MYT1L: variants seen among roughly 807,000 people sequenced by gnomAD.
The protein encoded by MYT1L is myelin transcription factor 1-like protein.
Under a neutral mutation model 126.7 loss-of-function variants are expected in MYT1L, and 12 were observed. The observed-to-expected ratio is 0.09, with a 90% confidence interval of 0.06 to 0.15. The LOEUF (loss-of-function observed/expected upper bound fraction) is 0.15. Among genes scored for constraint, MYT1L ranks in the 10% least tolerant of loss-of-function variants. The pLI, the probability that MYT1L is intolerant of heterozygous loss-of-function variation, is 1.00. For synonymous variants in MYT1L, 541 were observed against 604.2 expected (o/e 0.90, Z 1.53); for missense variants, 979 against 1,585.2 (o/e 0.62, Z 6.49).
intron 4 of MYT1L, among the ~76,000 whole-genome samples, chr2:2,013,170 C>A (rs116599545): frequency 1.3e-5 from 2 of 152,212 alleles, no homozygotes; most frequent in Admixed American, 1.3e-4. Context: ...TATATTCATG[C>A]GATGTCTCAA....
rs2093959994 is a variant in MYT1L at position 2,224,529 on chromosome 2, A to G, written c.-420-51541T>C. ...AACTATTTTTCCCATTAAGAAAATA[A>G]ATGTTTCAGGCTGGGCACGGTGGCT... is the stretch of plus-strand genomic sequence containing the variant. On this transcript the variant is annotated intron_variant, in intron 2 of 24. Coordinates refer to ENST00000647738, the MANE Select transcript of MYT1L (RefSeq NM_001303052.2). The surrounding 1 kb of genome is among the most constrained non-coding windows in gnomAD (Gnocchi z 4.0). Among the ~76,000 whole-genome samples, 1 of 152,176 alleles carries G rather than the reference A, an allele frequency of 6.6e-6. No homozygotes were observed. Among genetic ancestry groups the G allele is most frequent in the South Asian group, 2.1e-4 (1 of 4,828 alleles).
intron 19 of MYT1L, chr2:1,842,983 CCCGGG>C (rs2042010634): frequency 6.6e-6 from 1 of 150,966 alleles, no homozygotes; most frequent in Non-Finnish European, 1.4e-5. Flanking sequence ...AGTACCGGCC[CCCGGG>C]CTGGGAACAC....
chr2:1,955,000 AAGTT>A (rs960878083), intron 8 of MYT1L, among the ~76,000 whole-genome samples: 7 of 152,094 alleles, frequency 4.6e-5, no homozygotes, highest in Admixed American at 3.3e-4. Flanking sequence ...GAAAGAAAAA[AAGTT>A]AGCCGGGCGT....
intron 1 of MYT1L, among the ~76,000 whole-genome samples, chr2:2,311,896 T>C (rs192905290): frequency 1.1e-4 from 16 of 152,332 alleles, no homozygotes; most frequent in Non-Finnish European, 2.1e-4. Flanking sequence ...AGTTTGGGAT[T>C]CCAAATACAT....
At chr2:1,989,861 G>C (rs936197590) in intron 5 of MYT1L, among the ~76,000 whole-genome samples, 3 of 152,146 alleles carry the variant, frequency 2.0e-5, no homozygotes, top group African/African-American at 7.2e-5. Flanking sequence ...AGCTGGGCAT[G>C]GTGGCGGGTG....
intron 10 of MYT1L, among the ~76,000 whole-genome samples, chr2:1,921,371 GTCT>G (rs1355912409): frequency 6.6e-6 from 1 of 152,084 alleles, no homozygotes; most frequent in Non-Finnish European, 1.5e-5. Context: ...AGTGGACACC[GTCT>G]TCTTTACAAA....
At chr2:2,066,752 A>G (rs1272054318) in intron 3 of MYT1L, among the ~76,000 whole-genome samples, 2 of 152,224 alleles carry the variant, frequency 1.3e-5, no homozygotes, top group African/African-American at 4.8e-5. Flanking sequence ...CTGTCCTCAG[A>G]AGAACTGACC....
chr2:2,158,292 T>G (rs1443378650), intron 3 of MYT1L, among the ~76,000 whole-genome samples: 1 of 152,184 alleles, frequency 6.6e-6, no homozygotes, highest in East Asian at 1.9e-4. Context: ...TCTGATTCCC[T>G]GCCATTGTTT....
At chr2:2,034,175 C>T (rs1258037564) in intron 4 of MYT1L, among the ~76,000 whole-genome samples, 1 of 152,152 alleles carries the variant, frequency 6.6e-6, no homozygotes, top group Non-Finnish European at 1.5e-5. Context: ...AAGCAGAAAA[C>T]GTCGGTATCG....
chr2:1,896,765 C>G (rs533143619), intron 14 of MYT1L, among the ~76,000 whole-genome samples: 1 of 152,038 alleles, frequency 6.6e-6, no homozygotes, highest in African/African-American at 2.4e-5. Context: ...GTGTAATGAA[C>G]ATGCACAGGT....
At position 2,077,218 on chromosome 2, in the gene MYT1L, C is replaced by T. The variant is rs1017887924; in HGVS notation, c.-303-23095G>A. On this transcript the variant is annotated intron_variant, in intron 3 of 24. Coordinates refer to ENST00000647738, the MANE Select transcript of MYT1L (RefSeq NM_001303052.2). ...ACAGATCTCTGGGACACCACTAACT[C>T]TATCCTTATATACAGAATGAGAGAT... Among the ~76,000 whole-genome samples the T allele has an allele frequency of 3.3e-5, 5 of 152,172 alleles. No individual in the cohort carries two copies. The South Asian group carries it at 1.0e-3, about 32-fold the overall frequency.
chr2:1,838,095 G>A (rs534466607), intron 21 of MYT1L, among the ~76,000 whole-genome samples: 6 of 151,920 alleles, frequency 3.9e-5, no homozygotes, highest in Non-Finnish European at 8.8e-5. Context: ...TGTATTTTTA[G>A]CAGAGATGGG....
chr2:2,160,246 C>A (rs980099334), intron 3 of MYT1L, among the ~76,000 whole-genome samples: 1 of 152,124 alleles, frequency 6.6e-6, no homozygotes, highest in East Asian at 1.9e-4. Flanking sequence ...TCAGGAGATA[C>A]CAAATGTTTG....
chr2:2,114,417 C>A (rs970432607), intron 3 of MYT1L, among the ~76,000 whole-genome samples: 1 of 152,296 alleles, frequency 6.6e-6, no homozygotes, highest in East Asian at 1.9e-4. Flanking sequence ...TCTTTCCTAC[C>A]TTCTGGCTTT....
intron 4 of MYT1L, among the ~76,000 whole-genome samples, chr2:2,017,564 C>T (rs1167951685): frequency 6.6e-6 from 1 of 152,158 alleles, no homozygotes; most frequent in African/African-American, 2.4e-5. Flanking sequence ...AACATACAGC[C>T]AGGGTCCAAT....
At chr2:1,991,650 T>A (rs2061463653) in intron 5 of MYT1L, among the ~76,000 whole-genome samples, 1 of 152,098 alleles carries the variant, frequency 6.6e-6, no homozygotes, top group Non-Finnish European at 1.5e-5. Flanking sequence ...TGTCTGTCCA[T>A]CCCTCTCGCC....
At position 1,890,912 on chromosome 2, in the gene MYT1L, C is replaced by T. The variant is rs180962724; in HGVS notation, c.2283+1125G>A. 5.0e-4 allele frequency among the ~76,000 whole-genome samples: 76 copies of T among 152,270 alleles called. No individual in the cohort carries two copies. The East Asian group carries it at 0.011, about 21-fold the overall frequency. ...TGTACTCTGATTTGAAGCTTTGATA[C>T]TAATTTAAGCTTTATAATGTTGGAT... On this transcript the variant is annotated intron_variant, in intron 15 of 24. Transcript: ENST00000647738.
chr2:1,859,584 A>G (rs1034320682), intron 18 of MYT1L, among the ~76,000 whole-genome samples: 4 of 152,342 alleles, frequency 2.6e-5, no homozygotes, highest in Middle Eastern at 3.4e-3. Context: ...AAGAAGCATT[A>G]TTAGTTGTAT....
At chr2:1,911,896 G>T in intron 12 of MYT1L, 124 bp downstream of exon 12, 1 of 631,386 alleles carries the variant, frequency 1.6e-6, no homozygotes, top group Non-Finnish European at 2.5e-6. Flanking sequence ...ATTATATGGA[G>T]GTGCCCGCAC....
Sources: allele counts gnomAD v4.1 joint callset (sites outside exome capture counted in the v4.1 genomes callset), GRCh38; gene constraint gnomAD v4.1.1; non-coding constraint Gnocchi (gnomAD v3.1); transcripts MANE v1.5; gene names NCBI Gene and HGNC (gene_info 2026-07-23, HGNC 2026-07-21).